Variants in RHEX observed in about 807,000 individuals in gnomAD.
The protein encoded by RHEX is regulator of hemoglobinization and erythroid cell expansion protein.
RHEX carries 18 observed loss-of-function variants against 20.1 expected under a neutral mutation model. That is an observed-to-expected ratio of 0.90 (90% confidence interval 0.62 to 1.33). The LOEUF (loss-of-function observed/expected upper bound fraction) is 1.33. Ranked by LOEUF, RHEX falls within the 40% of genes most tolerant of loss-of-function variation. The pLI, the probability that RHEX is intolerant of heterozygous loss-of-function variation, is 0.00. For synonymous variants in RHEX, 87 were observed against 77.1 expected (o/e 1.13, Z -0.67); for missense variants, 192 against 214.3 (o/e 0.90, Z 0.65).
At position 206,085,698 on chromosome 1, in the gene RHEX, G is replaced by T. The variant is rs116930122; in HGVS notation, c.-96-12035G>T. 7.9e-3 allele frequency among the ~76,000 whole-genome samples: 1,206 copies of T among 152,240 alleles called. 44 individuals are homozygous for T. Among genetic ancestry groups the T allele is most frequent in the Admixed American group, 0.068 (1,042 of 15,274 alleles). On this transcript the variant is annotated intron_variant, in intron 1 of 5. Transcript: ENST00000331555. ...GTGGTTTATCTAGTTGAGGCTCAAA[G>T]TTGCTCTTTCTCACTTTTGAATCTC...
intron 4 of RHEX, among the ~76,000 whole-genome samples, chr1:206,100,480 T>A (rs782104107): frequency 2.6e-5 from 4 of 152,250 alleles, no homozygotes; most frequent in Non-Finnish European, 5.9e-5. Flanking sequence ...AGTTGAGACA[T>A]GGCCTCAGTG....
At chr1:206,092,487 A>C (rs1662976155) in intron 1 of RHEX, among the ~76,000 whole-genome samples, 1 of 152,192 alleles carries the variant, frequency 6.6e-6, no homozygotes, top group Non-Finnish European at 1.5e-5. Flanking sequence ...GTCTGACTCC[A>C]GGTTCTTTGT....
In RHEX at chr1:206,063,125, C is replaced by T. The variant is rs115133753; in HGVS notation, c.-97+9860C>T. On this transcript the variant is annotated intron_variant, in intron 1 of 5. Coordinates refer to ENST00000331555, the MANE Select transcript of RHEX (RefSeq NM_001007544.4). Reference sequence around the variant, plus strand: ...ACCTAAAAGAAAGGTAAGAATGTGACACCTGATGATAAATAGGGAAAGAGT... The same window carrying T: ...ACCTAAAAGAAAGGTAAGAATGTGATACCTGATGATAAATAGGGAAAGAGT... Among the ~76,000 whole-genome samples, 331 of 152,196 alleles carry T rather than the reference C, an allele frequency of 2.2e-3. 1 individual carries two copies. Among genetic ancestry groups the T allele is most frequent in the African/African-American group, 7.5e-3 (313 of 41,506 alleles).
intron 1 of RHEX, chr1:206,056,492 T>C (rs1662197740): frequency 6.6e-6 from 1 of 152,292 alleles, no homozygotes; most frequent in Non-Finnish European, 1.5e-5. Flanking sequence ...ACATTCCTAT[T>C]ATTTTATGGT....
In RHEX at chr1:206,101,841, G is replaced by A. The variant is rs782495952; in HGVS notation, c.408G>A (p.Lys136=). ...NDSPLDYENI[K]EITDYVNVNP... ...CCCCGCTGGACTATGAGAACATAAA[G>A]GAAATCACAGATTATGTCAATGTCA... The change falls in exon 6 of 6, where the codon AAG becomes AAA. Residue 136 remains lysine, a synonymous_variant. Coordinates refer to ENST00000331555, the MANE Select transcript of RHEX (RefSeq NM_001007544.4). 9.9e-6 allele frequency: 16 copies of A among 1,613,934 alleles called. No homozygotes were observed. The highest frequency in any genetic ancestry group is 3.3e-5 in the Admixed American group (2 of 60,018).
At chr1:206,099,600 T>C (rs1553288125) in intron 3 of RHEX, 55 bp from the exon 4 acceptor site, 1 of 1,565,082 alleles carries the variant, frequency 6.4e-7, no homozygotes, top group African/African-American at 1.4e-5. Context: ...ATTACAGGCA[T>C]GAGCTACTGC....
chr1:206,092,680 C>G (rs1293123013), intron 1 of RHEX, among the ~76,000 whole-genome samples: 1 of 152,092 alleles, frequency 6.6e-6, no homozygotes, highest in Non-Finnish European at 1.5e-5. Flanking sequence ...TTTAAAACCT[C>G]TTCTTTTTTT....
chr1:206,058,225 G>C (rs1001317424), intron 1 of RHEX, among the ~76,000 whole-genome samples: 18 of 152,236 alleles, frequency 1.2e-4, no homozygotes, highest in Non-Finnish European at 2.6e-4. Context: ...AATAGTAATA[G>C]GAACCTGCTT....
At chr1:206,068,320 G>T (rs923834314) in intron 1 of RHEX, among the ~76,000 whole-genome samples, 1 of 152,134 alleles carries the variant, frequency 6.6e-6, no homozygotes, top group African/African-American at 2.4e-5. Flanking sequence ...TAGGGTGGAG[G>T]GGGCAAGGGA....
chr1:206,071,546 CAA>C (rs35408708), intron 1 of RHEX, among the ~76,000 whole-genome samples: 21,020 of 95,610 alleles, frequency 0.22, 1,735 homozygotes, highest in South Asian at 0.31. Flanking sequence ...GTTGAAAATG[CAA>C]AAAAAAAAAA....
chr1:206,064,426 CGGGA>C (rs1662377270), intron 1 of RHEX, among the ~76,000 whole-genome samples: 2 of 105,832 alleles, frequency 1.9e-5, no homozygotes, highest in African/African-American at 8.9e-5. Flanking sequence ...CCGCCCCGTC[CGGGA>C]GGGAGGTGGG....
At position 206,099,765 on chromosome 1, in the gene RHEX, A is replaced by C. The variant is rs1553288166; in HGVS notation, c.223A>C (p.Arg75=). Residue 75 remains arginine, a synonymous_variant, in exon 4 of 6, where the codon AGA becomes CGA. Coordinates refer to ENST00000331555, the MANE Select transcript of RHEX (RefSeq NM_001007544.4). ...VKEMKETQTE[R]DIPMSDSLYR... Reference sequence around the variant, plus strand: ...AGAGATGAAGGAGACTCAGACAGAGAGAGACATCCCAATGTCTGATTCCCT... The same window carrying C: ...AGAGATGAAGGAGACTCAGACAGAGCGAGACATCCCAATGTCTGATTCCCT... 1 of 1,614,024 alleles carries C rather than the reference A, an allele frequency of 6.2e-7. No individual in the cohort carries two copies.
At chr1:206,082,848 T>A (rs896429933) in intron 1 of RHEX, among the ~76,000 whole-genome samples, 1 of 151,804 alleles carries the variant, frequency 6.6e-6, no homozygotes, top group Admixed American at 6.6e-5. Flanking sequence ...CAAATCTCTG[T>A]TTTCTTTGTC....
At chr1:206,100,031 C>T (rs909228895) in intron 4 of RHEX, among the ~76,000 whole-genome samples, 1 of 152,170 alleles carries the variant, frequency 6.6e-6, no homozygotes, top group African/African-American at 2.4e-5. Context: ...CGGGTTTAGT[C>T]GTGTGCAAAT....
At chr1:206,063,376 CTCTCCCTCTCCCTCTCCCCATGG>C (rs1443230729) in intron 1 of RHEX, among the ~76,000 whole-genome samples, 12 of 151,932 alleles carry the variant, frequency 7.9e-5, no homozygotes, top group Admixed American at 1.3e-4. Flanking sequence ...CTGCCTCTCC[CTCTCCCTCTCCCTCTCCCCATGG>C]TCTCCCTCTC....
intron 1 of RHEX, among the ~76,000 whole-genome samples, chr1:206,079,932 C>T (rs953649047): frequency 6.6e-6 from 1 of 152,138 alleles, no homozygotes; most frequent in Non-Finnish European, 1.5e-5. Flanking sequence ...TTGCAAACAT[C>T]CTGAAAGCCT....
At chr1:206,058,504 CA>C (rs1662242646) in intron 1 of RHEX, among the ~76,000 whole-genome samples, 1 of 152,246 alleles carries the variant, frequency 6.6e-6, no homozygotes, top group Non-Finnish European at 1.5e-5. Context: ...AAAAAAACAA[CA>C]AGGAAGTAGA....
intron 1 of RHEX, among the ~76,000 whole-genome samples, chr1:206,065,183 G>A (rs1553284055): frequency 6.6e-6 from 1 of 151,458 alleles, no homozygotes; most frequent in Non-Finnish European, 1.5e-5. Flanking sequence ...AGAGACCTTT[G>A]TTCACTTGTT....
intron 1 of RHEX, among the ~76,000 whole-genome samples, chr1:206,071,616 G>A (rs1553284672): frequency 1.3e-5 from 2 of 151,138 alleles, no homozygotes; most frequent in Non-Finnish European, 2.9e-5. Flanking sequence ...GGAGGGCAAG[G>A]TGAGAGGATC....
Sources: allele counts gnomAD v4.1 joint callset (sites outside exome capture counted in the v4.1 genomes callset), GRCh38; gene constraint gnomAD v4.1.1; transcripts MANE v1.5; gene names NCBI Gene and HGNC (gene_info 2026-07-23, HGNC 2026-07-21).